The following ITPR2 variants were observed in gnomAD, a reference collection of about 807,000 sequenced individuals.
ITPR2 encodes inositol 1,4,5-trisphosphate receptor type 2.
Under a neutral mutation model 317.1 loss-of-function variants are expected in ITPR2, and 207 were observed. The observed-to-expected ratio is 0.65, with a 90% CI of 0.58 to 0.73. The LOEUF is 0.73. ITPR2 is among the 30% of genes least tolerant of loss of function. The pLI is 0.00. For synonymous variants in ITPR2, 1,156 were observed against 1,149.1 expected (o/e 1.01, Z -0.12); for missense variants, 2,613 against 3,284.0 (o/e 0.80, Z 4.99).
intron 35 of ITPR2, among the ~76,000 whole-genome samples, chr12:26,558,833 C>T (rs1378538079): frequency 6.6e-6 from 1 of 152,188 alleles, no homozygotes; most frequent in African/African-American, 2.4e-5. Context: ...TTGACACACT[C>T]ACTTAGGTAT....
chr12:26,806,278 A>G (rs1950638127), intron 1 of ITPR2, among the ~76,000 whole-genome samples: 1 of 152,192 alleles, frequency 6.6e-6, no homozygotes, highest in Admixed American at 6.5e-5. Context: ...CCTGGCACGG[A>G]GTAAACACTG....
At chr12:26,386,486 T>C (rs1005790686) in intron 55 of ITPR2, among the ~76,000 whole-genome samples, 2 of 152,208 alleles carry the variant, frequency 1.3e-5, no homozygotes, top group Non-Finnish European at 2.9e-5. Context: ...CCAAAAATGT[T>C]CTTTGGTTGC....
chr12:26,545,202 C>T (rs1944364641), intron 37 of ITPR2, among the ~76,000 whole-genome samples: 2 of 152,148 alleles, frequency 1.3e-5, no homozygotes, highest in African/African-American at 4.8e-5. Context: ...GTCACCAGAA[C>T]CTGTAAACAT....
intron 26 of ITPR2, among the ~76,000 whole-genome samples, chr12:26,616,881 T>C (rs1196166575): frequency 6.6e-6 from 1 of 152,212 alleles, no homozygotes; most frequent in East Asian, 1.9e-4. Flanking sequence ...ACCTTTATGA[T>C]GATCCAATTC....
At chr12:26,590,719 T>C (rs1292542996) in intron 32 of ITPR2, among the ~76,000 whole-genome samples, 1 of 151,976 alleles carries the variant, frequency 6.6e-6, no homozygotes, top group Admixed American at 6.6e-5. Context: ...GGGCAAAAAT[T>C]TCTAGAGTAA....
chr12:26,537,760 A>C (rs1007756180), intron 37 of ITPR2, among the ~76,000 whole-genome samples: 6 of 152,204 alleles, frequency 3.9e-5, no homozygotes, highest in African/African-American at 1.4e-4. Context: ...ATTGAGTTTT[A>C]ATTAAAAACC....
chr12:26,716,663 A>G (rs1167614152), intron 5 of ITPR2, among the ~76,000 whole-genome samples: 1 of 152,156 alleles, frequency 6.6e-6, no homozygotes, highest in African/African-American at 2.4e-5. Context: ...AATGTTATAC[A>G]CTTGTATTAT....
chr12:26,537,820 C>T (rs1316111511), intron 37 of ITPR2, among the ~76,000 whole-genome samples: 1 of 152,132 alleles, frequency 6.6e-6, no homozygotes, highest in Non-Finnish European at 1.5e-5. Flanking sequence ...ACAACTTCAC[C>T]GAGCAATCTG....
At chr12:26,818,016 A>G (rs1950887646) in intron 1 of ITPR2, among the ~76,000 whole-genome samples, 1 of 152,236 alleles carries the variant, frequency 6.6e-6, no homozygotes, top group South Asian at 2.1e-4. Flanking sequence ...GGAAGAAGGG[A>G]AAAATGAATT....
chr12:26,595,327 G>T (rs554163150), intron 32 of ITPR2, 138 bp downstream of exon 32: 7 of 798,386 alleles, frequency 8.8e-6, no homozygotes, highest in East Asian at 8.3e-5. Flanking sequence ...ACAATCTTCT[G>T]AAATTTATTC....
intron 9 of ITPR2, among the ~76,000 whole-genome samples, chr12:26,701,195 T>C (rs1948439400): frequency 6.6e-6 from 1 of 152,174 alleles, no homozygotes; most frequent in Non-Finnish European, 1.5e-5. Context: ...GTCATGCTTG[T>C]ACCGCAATCA....
chr12:26,400,142 T>G lies in ITPR2; in HGVS notation c.7516A>C (p.Arg2506=). The change falls in exon 53 of 57, where the codon AGG becomes CGG. Residue 2506 remains arginine (R), a synonymous_variant. Transcript: ENST00000381340. ...NGGGVGDVLR[R]PSKDEPLFAA... ...CTCTGGCTTACATCTTTCGATGGCC[T>G]TCTTAGCACATCCCCCACACCACCG... 1 of 1,610,646 alleles carries G rather than the reference T, an allele frequency of 6.2e-7. No individual in the cohort carries two copies. Among genetic ancestry groups the G allele is most frequent in the Non-Finnish European group, 8.5e-7 (1 of 1,177,996 alleles).
chr12:26,687,851 A>T (rs544563984), intron 10 of ITPR2, among the ~76,000 whole-genome samples: 1 of 152,238 alleles, frequency 6.6e-6, no homozygotes, highest in Admixed American at 6.5e-5. Flanking sequence ...CAAAATTCAG[A>T]GTTAAATGAA....
At chr12:26,516,265 A>AAGGGAAGGGAAAGGAAG (rs1591847698) in intron 37 of ITPR2, among the ~76,000 whole-genome samples, 1 of 34,446 alleles carries the variant, frequency 2.9e-5, no homozygotes, top group Non-Finnish European at 6.8e-5. Context: ...AGGAAAGGAA[A>AAGGGAAGGGAAAGGAAG]GGAAAGGAAG....
intron 54 of ITPR2, among the ~76,000 whole-genome samples, chr12:26,397,480 C>T (rs975599680): frequency 3.9e-5 from 6 of 152,028 alleles, no homozygotes; most frequent in African/African-American, 7.2e-5. Context: ...TGGGTACCTG[C>T]AGCTTCCTGT....
intron 45 of ITPR2, among the ~76,000 whole-genome samples, chr12:26,461,519 T>C (rs1263779072): frequency 6.6e-6 from 1 of 151,576 alleles, no homozygotes; most frequent in African/African-American, 2.4e-5. Context: ...CTGAAAAGCC[T>C]AAAATATTTA....
intron 45 of ITPR2, among the ~76,000 whole-genome samples, chr12:26,444,789 A>G (rs1225001622): frequency 6.6e-6 from 1 of 152,170 alleles, no homozygotes; most frequent in Non-Finnish European, 1.5e-5. Context: ...CATTATCCTT[A>G]TAAGTGATAA....
At chr12:26,613,661 G>A (rs901332042) in intron 26 of ITPR2, among the ~76,000 whole-genome samples, 4 of 152,088 alleles carry the variant, frequency 2.6e-5, no homozygotes, top group Non-Finnish European at 1.5e-5. Flanking sequence ...CATAGAGTCA[G>A]GAATACCTAA....
chr12:26,358,651 G>A (rs894239631), intron 55 of ITPR2, among the ~76,000 whole-genome samples: 7 of 151,940 alleles, frequency 4.6e-5, no homozygotes, highest in Non-Finnish European at 1.5e-5. Flanking sequence ...AATAATTGAT[G>A]ATGTTGGGCA....
Sources: gnomAD v4.1 joint callset for allele counts (sites outside exome capture counted in the v4.1 genomes callset) on GRCh38, gnomAD v4.1.1 for gene constraint, MANE v1.5 for transcripts, NCBI Gene and HGNC (gene_info 2026-07-23, HGNC 2026-07-21) for gene names.